FAM13B: variants seen among roughly 807,000 people sequenced by gnomAD.
The protein encoded by FAM13B is protein FAM13B.
A neutral mutation model predicts 117.3 loss-of-function variants in FAM13B; 60 were observed. The observed-to-expected ratio is 0.51, with a 90% CI of 0.42 to 0.63. FAM13B has a LOEUF of 0.63. Ranked by LOEUF, FAM13B falls within the 30% of genes least tolerant of loss-of-function variation. FAM13B has a pLI of 0.00. For synonymous variants in FAM13B, 332 were observed against 356.1 expected, an observed-to-expected ratio of 0.93 and a Z score of 0.76; for missense variants, 972 against 1,091.9, an observed-to-expected ratio of 0.89 and a Z score of 1.55.
chr5:137,940,185 T>C lies in FAM13B; in HGVS notation c.*40A>G, dbSNP rs376178626. Reference sequence around the variant, plus strand: ...TACACACGATGATAGCTTCAAGGAATACAACTGACTTTATGATATGAATTT... The same window carrying C: ...TACACACGATGATAGCTTCAAGGAACACAACTGACTTTATGATATGAATTT... On this transcript the variant is annotated 3_prime_UTR_variant, in exon 24 of 24. Coordinates refer to ENST00000689681, the MANE Select transcript of FAM13B (RefSeq NM_001385994.1). The C allele has an allele frequency of 5.6e-6, 9 of 1,613,646 alleles. No individual in the cohort carries two copies. In the African/African-American group the frequency reaches 9.3e-5, roughly 17 times the overall value.
intron 10 of FAM13B, among the ~76,000 whole-genome samples, chr5:137,965,113 G>A (rs562340711): frequency 6.6e-6 from 1 of 152,280 alleles, no homozygotes; most frequent in East Asian, 1.9e-4. Flanking sequence ...AGATTGCGGT[G>A]AGTGGAGACT....
At position 137,946,258 on chromosome 5, in the gene FAM13B, A is replaced by T. The variant is rs752908898; in HGVS notation, c.2214T>A (p.Leu738=). Residue 738 remains leucine (L), a synonymous_variant, in exon 19 of 24, where the codon CTT becomes CTA. Coordinates refer to ENST00000689681, the MANE Select transcript of FAM13B (RefSeq NM_001385994.1). ...VEEKASLQKS[L]LYYESQHGRP... ...TTCCATGTTGACTTTCATAGTAAAG[A>T]AGACTTTTCTGAAGAGAAGCTTTCT... is the stretch of plus-strand genomic sequence containing the variant. 7.5e-6 allele frequency: 12 copies of T among 1,592,706 alleles called. No individual in the cohort carries two copies. Among genetic ancestry groups the T allele is most frequent in the Non-Finnish European group, 1.0e-5 (12 of 1,174,518 alleles).
Position 137,988,306 on chromosome 5 carries a change from T to G in FAM13B, c.858A>C (p.Ile286=), listed in dbSNP as rs1311792636. Residue 286 remains isoleucine, a synonymous_variant, in exon 8 of 24, where the codon ATA becomes ATC. Transcript: ENST00000689681. Reference sequence around the variant, plus strand: ...AGGCTGGTAGGATGCTGATGGGAGATATATGGGTGCTGCAATCAAAGAAAG... The same window carrying G: ...AGGCTGGTAGGATGCTGATGGGAGAGATATGGGTGCTGCAATCAAAGAAAG... ...SNSVTATSTH[I]SPISILPAST... 2 of 1,560,444 alleles carry G rather than the reference T, an allele frequency of 1.3e-6. No individual in the cohort carries two copies. Among genetic ancestry groups the G allele is most frequent in the African/African-American group, 2.8e-5 (2 of 70,612 alleles).
intron 15 of FAM13B, 82 bp from the exon 16 acceptor site, chr5:137,953,547 AGC>A: frequency 7.2e-7 from 1 of 1,383,536 alleles, no homozygotes; most frequent in Non-Finnish European, 1.0e-6. Context: ...TGGCACTATT[AGC>A]AATAAGTAAA....
At chr5:137,973,877 G>C (rs1481477589) in intron 10 of FAM13B, among the ~76,000 whole-genome samples, 7 of 144,614 alleles carry the variant, frequency 4.8e-5, no homozygotes, top group African/African-American at 7.8e-5. Flanking sequence ...CTGGCCATCA[G>C]AGAAATGCAA....
intron 7 of FAM13B, among the ~76,000 whole-genome samples, chr5:137,991,426 C>G (rs1010776730): frequency 6.6e-6 from 1 of 152,092 alleles, no homozygotes; most frequent in Non-Finnish European, 1.5e-5. Context: ...ATATACTAAG[C>G]CAGAATTTGG....
At chr5:138,016,504 C>T (rs761784090) in intron 4 of FAM13B, among the ~76,000 whole-genome samples, 2 of 151,986 alleles carry the variant, frequency 1.3e-5, no homozygotes, top group Non-Finnish European at 2.9e-5. Flanking sequence ...CATGGTGGTG[C>T]GCGCCTGTAG....
intron 1 of FAM13B, among the ~76,000 whole-genome samples, chr5:138,048,204 G>A (rs899417828): frequency 5.3e-5 from 8 of 152,204 alleles, no homozygotes; most frequent in Admixed American, 5.2e-4. Flanking sequence ...GTGTGTTTGA[G>A]CCACTAAGTT....
At chr5:138,015,961 C>T (rs1785163848) in intron 4 of FAM13B, among the ~76,000 whole-genome samples, 1 of 152,188 alleles carries the variant, frequency 6.6e-6, no homozygotes, top group African/African-American at 2.4e-5. Context: ...CAGTGAATTT[C>T]TCATATTAAA....
intron 15 of FAM13B, 104 bp downstream of exon 15, chr5:137,954,059 TTGA>T: frequency 3.6e-6 from 2 of 561,058 alleles, no homozygotes; most frequent in Non-Finnish European, 2.9e-6. Context: ...TTTTTTTTTT[TTGA>T]GATGGAGTTT....
At position 137,987,588 on chromosome 5, in the gene FAM13B, C is replaced by T. The variant is rs377243845; in HGVS notation, c.919G>A (p.Val307Met). The change falls in exon 9 of 24, where the codon GTG (valine) becomes ATG (methionine). Residue 307 changes from valine (V) to methionine (M), a missense_variant. Val to Met is a conservative substitution (Grantham distance 21, BLOSUM62 1). Transcript: ENST00000689681. Reference sequence around the variant, plus strand: ...TGAAGATCAAAAAGGTGCTGTTCCACAGCTGCTCTAATTGTTCTTTCTAAA... The same window carrying T: ...TGAAGATCAAAAAGGTGCTGTTCCATAGCTGCTCTAATTGTTCTTTCTAAA... ...DILERTIRAA[V>M]EQHLFDLQSS... is the part of the protein sequence containing the mutation. 19 of 1,612,390 alleles carry T rather than the reference C, an allele frequency of 1.2e-5. No homozygotes were observed. The highest frequency in any genetic ancestry group is 2.2e-5 in the East Asian group (1 of 44,788).
chr5:137,991,440 C>A (rs1022123485), intron 7 of FAM13B, among the ~76,000 whole-genome samples: 3 of 152,182 alleles, frequency 2.0e-5, no homozygotes, highest in African/African-American at 7.2e-5. Flanking sequence ...AATTTGGGAG[C>A]TCTCTTACAG....
chr5:138,011,115 C>A lies in FAM13B; in HGVS notation c.583G>T (p.Glu195Ter). 6.2e-7 allele frequency: 1 copy of A among 1,607,846 alleles called. No individual in the cohort carries two copies. Among genetic ancestry groups the A allele is most frequent in the Non-Finnish European group, 8.5e-7 (1 of 1,178,758 alleles). Residue 195 changes from glutamate to a stop codon, truncating the protein, a stop_gained, in exon 6 of 24, where the codon GAA becomes TAA. Transcript: ENST00000689681. LOFTEE classifies it high-confidence loss of function. ...YTDVEDMKEQEIVSRIMAGLL... is the reference protein window; with the variant it reads ...YTDVEDMKEQ Reference sequence around the variant, plus strand: ...CCAGCCATTATCCTGCTCACTATTTCTTGCTCTTTCATGTCTTCCACATCT... The same window carrying A: ...CCAGCCATTATCCTGCTCACTATTTATTGCTCTTTCATGTCTTCCACATCT...
At chr5:138,008,197 T>C (rs1461524681) in intron 6 of FAM13B, among the ~76,000 whole-genome samples, 1 of 152,132 alleles carries the variant, frequency 6.6e-6, no homozygotes, top group South Asian at 2.1e-4. Context: ...CCCAGCACTT[T>C]TGAGAGGCTG....
intron 10 of FAM13B, among the ~76,000 whole-genome samples, chr5:137,975,994 T>TTTTTTTTTTTTTTTTG (rs1223359020): frequency 4.0e-5 from 6 of 149,922 alleles, no homozygotes; most frequent in Non-Finnish European, 7.4e-5. Context: ...TTTTTTTTTT[T>TTTTTTTTTTTTTTTTG]TGAGACAGTC....
chr5:138,015,736 G>A (rs1785110084), intron 4 of FAM13B, among the ~76,000 whole-genome samples: 1 of 152,102 alleles, frequency 6.6e-6, no homozygotes, highest in African/African-American at 2.4e-5. Context: ...ATTATCTACA[G>A]TAAATGAAGA....
At chr5:138,034,858 C>T (rs1476668954), upstream of FAM13B, among the ~76,000 whole-genome samples, 1 of 151,970 alleles carries the variant, frequency 6.6e-6, no homozygotes, top group East Asian at 1.9e-4. Flanking sequence ...AGAGTAAATC[C>T]GAAGAGAGTT....
chr5:137,992,449 C>T (rs570008687), intron 7 of FAM13B, among the ~76,000 whole-genome samples: 8 of 151,786 alleles, frequency 5.3e-5, no homozygotes, highest in Admixed American at 3.3e-4. Context: ...CAAAAATTAG[C>T]CGCGCATGGT....
chr5:137,984,392 T>C (rs1776620601), intron 10 of FAM13B, among the ~76,000 whole-genome samples: 1 of 152,188 alleles, frequency 6.6e-6, no homozygotes, highest in African/African-American at 2.4e-5. Context: ...TTAACTTTGC[T>C]TACAGTGCTT....
Sources: gnomAD v4.1 joint callset for allele counts (sites outside exome capture counted in the v4.1 genomes callset) on GRCh38, gnomAD v4.1.1 for gene constraint, MANE v1.5 for transcripts, NCBI Gene and HGNC (gene_info 2026-07-23, HGNC 2026-07-21) for gene names.